SGCD: variants seen among roughly 807,000 people sequenced by gnomAD.
The protein encoded by SGCD is delta-sarcoglycan.
A neutral mutation model predicts 36.6 loss-of-function variants in SGCD; 18 were observed. The ratio of observed to expected loss-of-function variants is 0.49; its 90% CI spans 0.34 to 0.73. SGCD has a LOEUF of 0.73. SGCD is among the 30% of genes least tolerant of loss of function. The pLI is 0.01. For missense variants in SGCD, 387 were observed against 346.7 expected (o/e 1.12, Z -0.92); for synonymous variants, 133 against 130.6 (o/e 1.02, Z -0.12).
At position 156,232,876 on chromosome 5, in the gene SGCD, C is replaced by G. The variant is rs148156807; in HGVS notation, c.-43-96658C>G. Reference sequence around the variant, plus strand: ...GTGTTTTAACTTTCATTAAAAGGACCATTTATCCCATCAGAAAAGACTGGA... The same window carrying G: ...GTGTTTTAACTTTCATTAAAAGGACGATTTATCCCATCAGAAAAGACTGGA... On this transcript the variant is annotated intron_variant, in intron 3 of 9. Transcript: ENST00000517913. 6.6e-4 allele frequency among the ~76,000 whole-genome samples: 100 copies of G among 152,220 alleles called. 1 individual carries two copies. The Middle Eastern group carries it at 0.017, about 26-fold the overall frequency.
rs1761728860 is a variant in SGCD, at chr5:156,109,461, A to G, written c.-281-8417A>G. On this transcript the variant is annotated intron_variant, in intron 1 of 9. Coordinates refer to the SGCD transcript ENST00000517913. ...CCCTCAACCCTAAAGACAGCTTTAT[A>G]TGTTTAAACTCCTTAATGTAGCCTG... Among the ~76,000 whole-genome samples the G allele has an allele frequency of 2.6e-5, 4 of 152,250 alleles. No homozygotes were observed. The South Asian group carries it at 8.3e-4, about 32-fold the overall frequency.
rs146532204 is a variant in SGCD at position 156,621,734 on chromosome 5, G to A, written c.503-25730G>A. Among the ~76,000 whole-genome samples, 49 of 152,280 alleles carry A rather than the reference G, an allele frequency of 3.2e-4. 1 individual carries two copies. In the East Asian group the frequency reaches 9.4e-3, roughly 29 times the overall value. ...TATACAAAGTCCTGTTGAAGCATAAGGAAAGTTTTAGAAGTTCAACACAGA... is the reference window on the plus strand; with the variant it reads ...TATACAAAGTCCTGTTGAAGCATAAAGAAAGTTTTAGAAGTTCAACACAGA... On this transcript the variant is annotated intron_variant, in intron 6 of 8. Transcript: ENST00000337851.
At chr5:155,965,922 A>G (rs753760550) in intron 1 of SGCD, among the ~76,000 whole-genome samples, 1 of 151,994 alleles carries the variant, frequency 6.6e-6, no homozygotes, top group South Asian at 2.1e-4. Context: ...CTGCATCACT[A>G]CATCTCTTAG....
chr5:155,870,584 G>A (rs1755612663), intron 1 of SGCD, among the ~76,000 whole-genome samples: 1 of 152,156 alleles, frequency 6.6e-6, no homozygotes, highest in Middle Eastern at 3.4e-3. Flanking sequence ...GTGATTGGCA[G>A]AAAAATAGAA....
intron 3 of SGCD, among the ~76,000 whole-genome samples, chr5:156,126,931 G>T (rs559178172): frequency 6.6e-6 from 1 of 152,298 alleles, no homozygotes; most frequent in East Asian, 1.9e-4. Context: ...ACTTCTTGGA[G>T]AAAGGTCCAG....
At chr5:155,907,149 C>G (rs780593536) in intron 1 of SGCD, among the ~76,000 whole-genome samples, 16 of 151,618 alleles carry the variant, frequency 1.1e-4, no homozygotes, top group Non-Finnish European at 2.1e-4. Flanking sequence ...GCCTAGCTTA[C>G]AGTTTATCTG....
chr5:156,345,549 AG>A (rs1768898795), intron 3 of SGCD, among the ~76,000 whole-genome samples: 1 of 152,192 alleles, frequency 6.6e-6, no homozygotes. Context: ...CTCCTAGGTC[AG>A]GCACATTGGC....
At chr5:156,075,440 A>G (rs750086902) in intron 1 of SGCD, among the ~76,000 whole-genome samples, 5 of 152,230 alleles carry the variant, frequency 3.3e-5, no homozygotes, top group African/African-American at 9.6e-5. Flanking sequence ...GAGGTAGTCT[A>G]TAAGAGACTT....
chr5:156,678,278 A>G (rs565439608), intron 7 of SGCD, among the ~76,000 whole-genome samples: 2 of 152,354 alleles, frequency 1.3e-5, no homozygotes, highest in African/African-American at 4.8e-5. Context: ...TAATTGTAGT[A>G]AAGTTTGTTG....
chr5:156,333,843 T>C lies in SGCD; in HGVS notation c.3+4264T>C, dbSNP rs551928713. 2.2e-5 allele frequency among the ~76,000 whole-genome samples: 3 copies of C among 137,030 alleles called. 1 individual carries two copies. In the Admixed American group the frequency reaches 2.3e-4, roughly 10 times the overall value. The allele number at this position is 137,030 out of a possible 152,430, so 89.9% of individuals were successfully genotyped here. A position where few individuals can be genotyped will look rare whatever the true frequency, so the allele number is the denominator to read the frequency against. On this transcript the variant is annotated intron_variant, in intron 2 of 8. Transcript: ENST00000337851. Reference sequence around the variant, plus strand: ...TTTGCTATTTGTCTCTAAGTATTGCTCAAAATCTGTGTGTAGATGGTTGGT... The same window carrying C: ...TTTGCTATTTGTCTCTAAGTATTGCCCAAAATCTGTGTGTAGATGGTTGGT...
chr5:156,672,532 G>C (rs527924014), intron 7 of SGCD, among the ~76,000 whole-genome samples: 56 of 152,270 alleles, frequency 3.7e-4, no homozygotes, highest in South Asian at 6.2e-4. Context: ...CCACAGCTCT[G>C]TCTTCACCAA....
In SGCD at chr5:156,760,836, T is replaced by G. The variant is rs567794403; in HGVS notation, c.*1446T>G. ...CTCAGCAAGGAGAAGCACATCTTAT[T>G]TATCTTGTTACCTATAGTTTACTTT... On this transcript the variant is annotated 3_prime_UTR_variant, in exon 9 of 9. Coordinates refer to ENST00000337851, the MANE Select transcript of SGCD (RefSeq NM_000337.6). 1 of 152,758 alleles carries G rather than the reference T, an allele frequency of 6.5e-6. No individual in the cohort carries two copies. Among genetic ancestry groups the G allele is most frequent in the African/African-American group, 2.4e-5 (1 of 41,556 alleles). 9.5% of individuals were successfully genotyped at this position (152,758 alleles called of 1,614,324 possible).
At chr5:156,403,590 A>G (rs887888900) in intron 3 of SGCD, among the ~76,000 whole-genome samples, 28 of 152,160 alleles carry the variant, frequency 1.8e-4, no homozygotes, top group African/African-American at 6.3e-4. Context: ...CTAGGCTGCA[A>G]AAGACTTGGA....
At chr5:156,085,182 G>A (rs964684930) in intron 1 of SGCD, among the ~76,000 whole-genome samples, 6 of 151,608 alleles carry the variant, frequency 4.0e-5, no homozygotes, top group Non-Finnish European at 5.9e-5. Flanking sequence ...TGTTGTTGTT[G>A]TTGTTCTGTC....
At chr5:155,837,533 T>C in the SGCD span, among the ~76,000 whole-genome samples, 4 of 152,288 alleles carry the variant, frequency 2.6e-5, no homozygotes, top group South Asian at 6.2e-4. Context: ...AGGGGCACCA[T>C]AAAGCATTTC....
intron 1 of SGCD, among the ~76,000 whole-genome samples, chr5:155,901,634 AG>A (rs1207454699): frequency 2.0e-5 from 3 of 151,960 alleles, no homozygotes; most frequent in Non-Finnish European, 4.4e-5. Flanking sequence ...ACACGTGGTA[AG>A]AAAAAAAAGT....
chr5:156,240,109 C>A (rs1765272086), intron 3 of SGCD, among the ~76,000 whole-genome samples: 1 of 152,040 alleles, frequency 6.6e-6, no homozygotes, highest in Non-Finnish European at 1.5e-5. Flanking sequence ...TAATGTGAGC[C>A]CAGAGTTGCC....
rs571288010 is a variant in SGCD, at chr5:155,874,110, CT to C, written c.-282+3688del. ...TTATACAATGTTGCACTTTTTCCCC[CT>C]TCTTTTTCTGTGTAAATTTTTCAAA... On this transcript the variant is annotated intron_variant, in intron 1 of 9. Transcript: ENST00000517913. 2.6e-3 allele frequency among the ~76,000 whole-genome samples: 397 copies of C among 152,120 alleles called. 2 individuals are homozygous for C. Among genetic ancestry groups the C allele is most frequent in the African/African-American group, 8.7e-3 (361 of 41,514 alleles).
At chr5:156,270,552 A>C (rs1356381648) in intron 3 of SGCD, among the ~76,000 whole-genome samples, 1 of 152,186 alleles carries the variant, frequency 6.6e-6, no homozygotes, top group Non-Finnish European at 1.5e-5. Context: ...AGCTGAAGCC[A>C]AAACAATCAA....
Sources: gnomAD v4.1 joint callset for allele counts (sites outside exome capture counted in the v4.1 genomes callset) on GRCh38, gnomAD v4.1.1 for gene constraint, MANE v1.5 for transcripts, NCBI Gene and HGNC (gene_info 2026-07-23, HGNC 2026-07-21) for gene names.